The following ROR2 variants were observed in gnomAD, a reference collection of about 807,000 sequenced individuals.
The protein encoded by ROR2 is tyrosine-protein kinase transmembrane receptor ROR2.
A neutral mutation model predicts 74.9 loss-of-function variants in ROR2; 33 were observed. That is an observed-to-expected ratio of 0.44 (90% CI 0.33 to 0.59). The LOEUF is 0.59. Ranked by LOEUF, ROR2 falls within the 20% of genes least tolerant of loss-of-function variation. The pLI is 0.02. For missense variants in ROR2, 1,216 were observed against 1,313.8 expected (o/e 0.93, Z 1.15); for synonymous variants, 586 against 558.7 (o/e 1.05, Z -0.69).
At position 91,841,572 on chromosome 9, in the gene ROR2, A is replaced by G. The variant is rs752210527; in HGVS notation, c.98-65754T>C. Among the ~76,000 whole-genome samples the G allele has an allele frequency of 3.9e-5, 6 of 152,246 alleles. No homozygotes were observed. In the East Asian group the frequency reaches 1.2e-3, roughly 29 times the overall value. The stretch of plus-strand genomic sequence containing the variant: ...AAATCTAACCATCAGGTGGTTTGCA[A>G]ATGGGTGAGGTCTGTGAAAAAGTCT... On this transcript the variant is annotated intron_variant, in intron 1 of 8. Transcript: ENST00000375708.
At chr9:91,936,287 T>C (rs1831688652) in intron 1 of ROR2, among the ~76,000 whole-genome samples, 1 of 152,140 alleles carries the variant, frequency 6.6e-6, no homozygotes, top group African/African-American at 2.4e-5. Context: ...ACAACAAGAA[T>C]TTGTTGTCTC....
chr9:91,824,822 G>GA (rs1828235649), intron 1 of ROR2, among the ~76,000 whole-genome samples: 1 of 152,168 alleles, frequency 6.6e-6, no homozygotes, highest in Non-Finnish European at 1.5e-5. Context: ...TTGCAATTAG[G>GA]AAACAGCCTG....
At chr9:91,768,871 T>C (rs1826141693) in intron 2 of ROR2, among the ~76,000 whole-genome samples, 1 of 152,066 alleles carries the variant, frequency 6.6e-6, no homozygotes, top group African/African-American at 2.4e-5. Context: ...GACAACCCAA[T>C]AGGCATTGCA....
chr9:91,859,435 T>C (rs547669611), intron 1 of ROR2, among the ~76,000 whole-genome samples: 1 of 152,220 alleles, frequency 6.6e-6, no homozygotes, highest in South Asian at 2.1e-4. Context: ...ATTTCTCTTG[T>C]AGCCTAAGAA....
At chr9:91,839,280 G>GTGTGTGTGTGTT (rs977874855) in intron 1 of ROR2, among the ~76,000 whole-genome samples, 3 of 145,270 alleles carry the variant, frequency 2.1e-5, no homozygotes, top group Non-Finnish European at 4.4e-5. Flanking sequence ...GTGTGTGTGT[G>GTGTGTGTGTGTT]TGTGTGTGTG....
chr9:91,743,609 C>A (rs142011300), intron 4 of ROR2, among the ~76,000 whole-genome samples: 2 of 152,054 alleles, frequency 1.3e-5, no homozygotes, highest in East Asian at 3.9e-4. Flanking sequence ...ACGATAAGGA[C>A]ATCACAAGAG....
intron 1 of ROR2, among the ~76,000 whole-genome samples, chr9:91,806,739 A>C (rs999376429): frequency 1.3e-5 from 2 of 151,972 alleles, no homozygotes; most frequent in Non-Finnish European, 2.9e-5. Flanking sequence ...ACAGGCACCC[A>C]CCACCACACC....
At chr9:91,854,600 G>C (rs1335821650) in intron 1 of ROR2, among the ~76,000 whole-genome samples, 2 of 152,222 alleles carry the variant, frequency 1.3e-5, no homozygotes, top group Non-Finnish European at 2.9e-5. Flanking sequence ...TTAAGAGCAA[G>C]TGTCCTCTTT....
At chr9:91,776,698 T>G (rs1391773061) in intron 1 of ROR2, among the ~76,000 whole-genome samples, 1 of 152,248 alleles carries the variant, frequency 6.6e-6, no homozygotes, top group East Asian at 1.9e-4. Flanking sequence ...GGACTTCTGC[T>G]GAAGTATTAA....
At chr9:91,762,461 T>C (rs1825943029) in intron 2 of ROR2, among the ~76,000 whole-genome samples, 1 of 152,220 alleles carries the variant, frequency 6.6e-6, no homozygotes, top group Admixed American at 6.5e-5. Flanking sequence ...TTTTTCAACA[T>C]TCTTTTTTGA....
intron 1 of ROR2, among the ~76,000 whole-genome samples, chr9:91,908,134 T>C (rs1411365450): frequency 6.6e-6 from 1 of 152,194 alleles, no homozygotes; most frequent in Non-Finnish European, 1.5e-5. Flanking sequence ...AGCTGTATTA[T>C]CAATGGGGGG....
intron 1 of ROR2, among the ~76,000 whole-genome samples, chr9:91,777,375 T>C (rs1254494111): frequency 1.4e-5 from 2 of 147,014 alleles, no homozygotes; most frequent in Admixed American, 6.8e-5. Context: ...ATGGAAATAA[T>C]AACAACAAAA....
At chr9:91,909,269 C>T (rs1830893162) in intron 1 of ROR2, among the ~76,000 whole-genome samples, 1 of 152,154 alleles carries the variant, frequency 6.6e-6, no homozygotes. Flanking sequence ...TCTGCATCCT[C>T]TTCTTATTGG....
rs1460454150 is a variant in ROR2, at chr9:91,848,669, C to A, written c.98-72851G>T. 4.0e-5 allele frequency among the ~76,000 whole-genome samples: 6 copies of A among 150,748 alleles called. No individual in the cohort carries two copies. The East Asian group carries it at 1.2e-3, about 30-fold the overall frequency. On this transcript the variant is annotated intron_variant, in intron 1 of 8. Transcript: ENST00000375708. ...CTCGGGAGACTGAGGCAGGGAGAATCGCTTGAACCTGGGAGGCAGAGGTTG... is the reference window on the plus strand; with the variant it reads ...CTCGGGAGACTGAGGCAGGGAGAATAGCTTGAACCTGGGAGGCAGAGGTTG...
chr9:91,803,325 A>G (rs1827450027), intron 1 of ROR2, among the ~76,000 whole-genome samples: 1 of 152,254 alleles, frequency 6.6e-6, no homozygotes, highest in South Asian at 2.1e-4. Context: ...GGCTATGTGA[A>G]TCACTTCTGT....
intron 2 of ROR2, among the ~76,000 whole-genome samples, chr9:91,770,368 G>T (rs905703818): frequency 6.6e-6 from 1 of 152,220 alleles, no homozygotes; most frequent in African/African-American, 2.4e-5. Context: ...GCCTGCTGGC[G>T]GTCAGCACGG....
intron 1 of ROR2, among the ~76,000 whole-genome samples, chr9:91,801,289 TC>T (rs2119056358): frequency 6.6e-6 from 1 of 152,320 alleles, no homozygotes; most frequent in African/African-American, 2.4e-5. Context: ...ATGTGAAGGC[TC>T]TCGTGTCCAT....
chr9:91,837,533 C>G (rs936407099), intron 1 of ROR2, among the ~76,000 whole-genome samples: 3 of 152,218 alleles, frequency 2.0e-5, no homozygotes, highest in South Asian at 4.1e-4. Flanking sequence ...TTAAAACAAT[C>G]CCCCTGCTCT....
rs534508708 is a variant in ROR2, at chr9:91,756,708, A to C, written c.463+564T>G. On this transcript the variant is annotated intron_variant, in intron 3 of 8. Transcript: ENST00000375708. ...TTGTCTTCTGGGCTCCAGGTCCATA[A>C]ACCTCTCCATCTGCACCTATTTTCT... Among the ~76,000 whole-genome samples the C allele has an allele frequency of 2.7e-5, 4 of 150,086 alleles. No homozygotes were observed. The East Asian group carries it at 7.8e-4, about 29-fold the overall frequency.
Sources: gnomAD v4.1 joint callset for allele counts (sites outside exome capture counted in the v4.1 genomes callset) on GRCh38, gnomAD v4.1.1 for gene constraint, MANE v1.5 for transcripts, NCBI Gene and HGNC (gene_info 2026-07-23, HGNC 2026-07-21) for gene names.